The following LAMA2 variants were observed in gnomAD, a reference collection of about 807,000 sequenced individuals.
LAMA2 encodes laminin subunit alpha 2.
In LAMA2, 269 loss-of-function variants were observed where a neutral mutation model predicts 364.8. The observed-to-expected ratio is 0.74, with a 90% CI of 0.67 to 0.82. LAMA2 has a LOEUF of 0.82. LAMA2 is among the 40% of genes least tolerant of loss of function. The probability of loss-of-function intolerance (pLI) is 0.00; values close to 1 mark genes in which losing one functional copy is unlikely to be tolerated. For missense variants in LAMA2, 3,807 were observed against 3,873.2 expected, an observed-to-expected ratio of 0.98 and a Z score of 0.45; for synonymous variants, 1,379 against 1,370.6, an observed-to-expected ratio of 1.01 and a Z score of -0.14.
In LAMA2 at chr6:129,373,007, T is replaced by A. The variant is rs192256681; in HGVS notation, c.4959+3017T>A. ...TCATTGGGTTGTTTTCTTGTCGAAT[T>A]CAGAGTTTTTTGTATATTTTGGGTA... On this transcript the variant is annotated intron_variant, in intron 34 of 64. Transcript: ENST00000421865. 1.9e-3 allele frequency among the ~76,000 whole-genome samples: 287 copies of A among 152,328 alleles called. 2 individuals are homozygous for A. Among genetic ancestry groups the A allele is most frequent in the Non-Finnish European group, 3.6e-3 (244 of 68,020 alleles).
At chr6:129,177,655 A>C (rs375063830) in intron 9 of LAMA2, 51 bp from the exon 10 acceptor site, 64 of 1,584,004 alleles carry the variant, frequency 4.0e-5, no homozygotes, top group South Asian at 1.3e-4. Context: ...TTTAACAACT[A>C]AATTATGTAC....
Position 129,427,800 on chromosome 6 carries a change from C to T in LAMA2, c.5914C>T (p.Gln1972Ter), listed in dbSNP as rs398123378. The part of the protein sequence containing the change: ...LLKEDAKGCL[Q>*]KSFRILNEAK... ...AAAGGAAGATGCCAAAGGCTGTCTT[C>T]AGAAAAGCTTCAGGATTCTTAACGA... The change falls in exon 41 of 65, where the codon CAG becomes TAG. Residue 1972 changes from glutamine (Q) to a stop codon, truncating the protein, a stop_gained. Coordinates refer to ENST00000421865, the MANE Select transcript of LAMA2 (RefSeq NM_000426.4). LOFTEE classifies it high-confidence loss of function. The T allele has an allele frequency of 4.3e-6, 7 of 1,613,716 alleles. No individual in the cohort carries two copies. In the Admixed American group the frequency reaches 5.0e-5, roughly 12 times the overall value.
intron 40 of LAMA2, among the ~76,000 whole-genome samples, chr6:129,404,324 C>G (rs1780136551): frequency 6.6e-6 from 1 of 152,026 alleles, no homozygotes; most frequent in African/African-American, 2.4e-5. Flanking sequence ...TAATCACACA[C>G]AAATTGGTTA....
chr6:129,170,884 A>C (rs1314018014), intron 9 of LAMA2, among the ~76,000 whole-genome samples: 2 of 149,506 alleles, frequency 1.3e-5, no homozygotes, highest in Non-Finnish European at 3.0e-5. Context: ...TATATTTAGG[A>C]TAGTTAGCTC....
At chr6:129,225,932 G>T (rs911019544) in intron 12 of LAMA2, among the ~76,000 whole-genome samples, 2 of 152,018 alleles carry the variant, frequency 1.3e-5, no homozygotes, top group Admixed American at 6.6e-5. Flanking sequence ...TTGACAGTGG[G>T]GTGTTAAAGT....
rs749043823 is a variant in LAMA2, at chr6:129,460,207, A to T, written c.6875A>T (p.Asp2292Val). Residue 2292 changes from aspartate (D) to valine (V), a missense_variant, in exon 49 of 65, where the codon GAT (aspartate) becomes GTT (valine). By Grantham distance (152) the Asp-to-Val change is radical. Coordinates refer to ENST00000421865, the MANE Select transcript of LAMA2 (RefSeq NM_000426.4). ...CGGTATTTCTTTCTGCAGAAGGCTGATGCTGTACGTGTGATTACATTCACT... is the reference window on the plus strand; with the variant it reads ...CGGTATTTCTTTCTGCAGAAGGCTGTTGCTGTACGTGTGATTACATTCACT... Reference protein sequence around the residue: ...GGLTGKLKKADAVRVITFTGC... With the variant: ...GGLTGKLKKAVAVRVITFTGC... 2.9e-5 allele frequency: 47 copies of T among 1,612,008 alleles called. No homozygotes were observed. Among genetic ancestry groups the T allele is most frequent in the Non-Finnish European group, 3.7e-5 (44 of 1,178,596 alleles).
intron 58 of LAMA2, among the ~76,000 whole-genome samples, chr6:129,496,551 G>A (rs1562620051): frequency 6.6e-6 from 1 of 151,978 alleles, no homozygotes; most frequent in Non-Finnish European, 1.5e-5. Flanking sequence ...TCTATTAATT[G>A]TATTATATTT....
chr6:129,140,357 C>G (rs1024646316), intron 4 of LAMA2, among the ~76,000 whole-genome samples: 1 of 152,048 alleles, frequency 6.6e-6, no homozygotes, highest in African/African-American at 2.4e-5. Flanking sequence ...GTTTCCCCCC[C>G]TTTATTTGCC....
Position 129,315,955 on chromosome 6 carries a change from A to G in LAMA2, c.3924+5A>G, listed in dbSNP as rs1454435580. ...CATGAAATTGAAATGACAGAGGTAA[A>G]GTTAGTCATTGTTTGGTGCAAAGAT... On this transcript the variant is annotated splice_donor_5th_base_variant and intron_variant, in intron 26 of 64. Coordinates refer to ENST00000421865, the MANE Select transcript of LAMA2 (RefSeq NM_000426.4). The G allele has an allele frequency of 2.5e-6, 4 of 1,613,882 alleles. No individual in the cohort carries two copies. Among genetic ancestry groups the G allele is most frequent in the Middle Eastern group, 1.6e-4 (1 of 6,082 alleles).
chr6:129,426,953 T>G (rs1411046980), intron 40 of LAMA2, among the ~76,000 whole-genome samples: 3 of 152,340 alleles, frequency 2.0e-5, no homozygotes, highest in Admixed American at 1.3e-4. Flanking sequence ...GCAATACTTT[T>G]CCAATTTAAA....
At chr6:129,080,808 G>C (rs866279949) in intron 3 of LAMA2, among the ~76,000 whole-genome samples, 2 of 152,330 alleles carry the variant, frequency 1.3e-5, no homozygotes, top group Middle Eastern at 3.4e-3. Flanking sequence ...CTGTAAACTA[G>C]TTAAACCATT....
intron 41 of LAMA2, among the ~76,000 whole-genome samples, chr6:129,434,724 C>T (rs1203424140): frequency 6.6e-6 from 1 of 152,062 alleles, no homozygotes; most frequent in Non-Finnish European, 1.5e-5. Context: ...TATTTAAAAT[C>T]AGCCCAGGAG....
chr6:129,239,556 C>T (rs1405211324), intron 12 of LAMA2, among the ~76,000 whole-genome samples: 2 of 152,118 alleles, frequency 1.3e-5, no homozygotes, highest in African/African-American at 2.4e-5. Flanking sequence ...AGATCTAGTC[C>T]AATGTCTCAG....
chr6:129,350,583 A>C (rs1171709444), intron 31 of LAMA2, among the ~76,000 whole-genome samples: 3 of 152,246 alleles, frequency 2.0e-5, no homozygotes, highest in Non-Finnish European at 2.9e-5. Flanking sequence ...AATCAGGCTA[A>C]GACTGGGACA....
At chr6:128,927,681 C>A (rs1562839236) in intron 1 of LAMA2, among the ~76,000 whole-genome samples, 1 of 152,002 alleles carries the variant, frequency 6.6e-6, no homozygotes, top group Non-Finnish European at 1.5e-5. Context: ...AGGTGTAAAC[C>A]ATTAGATTCC....
At chr6:128,968,254 C>T (rs1186865485) in intron 1 of LAMA2, among the ~76,000 whole-genome samples, 5 of 152,066 alleles carry the variant, frequency 3.3e-5, no homozygotes, top group Admixed American at 2.6e-4. Context: ...CTTGATAAAC[C>T]CATTGGTGTC....
At chr6:128,970,343 T>C (rs999219905) in intron 1 of LAMA2, among the ~76,000 whole-genome samples, 3 of 152,174 alleles carry the variant, frequency 2.0e-5, no homozygotes, top group Admixed American at 6.5e-5. Flanking sequence ...AGGCAGAAAG[T>C]AAAGTATGAA....
At chr6:129,405,631 T>C (rs2326819) in intron 40 of LAMA2, among the ~76,000 whole-genome samples, 76,275 of 151,972 alleles carry the variant, frequency 0.5, 19,648 homozygotes, top group African/African-American at 0.62. Flanking sequence ...AAATGACTAT[T>C]GGATAAGAAA....
chr6:129,418,494 T>G (rs1471381445), intron 40 of LAMA2, among the ~76,000 whole-genome samples: 1 of 152,156 alleles, frequency 6.6e-6, no homozygotes, highest in Non-Finnish European at 1.5e-5. Flanking sequence ...ATACGGAAGT[T>G]GAACAGAATA....
Sources: allele counts gnomAD v4.1 joint callset (sites outside exome capture counted in the v4.1 genomes callset), GRCh38; gene constraint gnomAD v4.1.1; transcripts MANE v1.5; gene names NCBI Gene and HGNC (gene_info 2026-07-23, HGNC 2026-07-21).